NIM1K: variants seen among roughly 807,000 people sequenced by gnomAD.
NIM1K encodes NIM1 serine/threonine protein kinase.
Under a neutral mutation model 37.1 loss-of-function variants are expected in NIM1K, and 35 were observed. That is an observed-to-expected ratio of 0.94 (90% CI 0.72 to 1.25). The LOEUF is 1.25. Among genes scored for constraint, NIM1K ranks in the 50% most tolerant of loss-of-function variants. NIM1K has a pLI of 0.00. For missense variants in NIM1K, 564 were observed against 548.0 expected (o/e 1.03, Z -0.29); for synonymous variants, 234 against 206.6 (o/e 1.13, Z -1.14).
At chr5:43,226,340 T>C (rs1284247737) in intron 1 of NIM1K, among the ~76,000 whole-genome samples, 2 of 152,200 alleles carry the variant, frequency 1.3e-5, no homozygotes, top group Non-Finnish European at 2.9e-5. Flanking sequence ...ACAGAGGCTG[T>C]AACTGTAACA....
chr5:43,195,193 GA>G (rs2112189124), intron 1 of NIM1K, among the ~76,000 whole-genome samples: 1 of 152,264 alleles, frequency 6.6e-6, no homozygotes, highest in Admixed American at 6.5e-5. Context: ...ATTTTCAGGA[GA>G]AGAAGAAAAT....
chr5:43,258,833 T>G lies in NIM1K; in HGVS notation c.292+12766T>G, dbSNP rs193029266. On this transcript the variant is annotated intron_variant, in intron 2 of 3. Coordinates refer to ENST00000326035, the MANE Select transcript of NIM1K (RefSeq NM_153361.4). ...GTGGTTTTTGGTTACAATGATGAAC[T>G]GTATACTGGTGAAATCTTAGATTTT... Among the ~76,000 whole-genome samples the G allele has an allele frequency of 8.6e-4, 131 of 152,274 alleles. 1 individual carries two copies. Among genetic ancestry groups the G allele is most frequent in the African/African-American group, 2.9e-3 (122 of 41,550 alleles).
intron 1 of NIM1K, among the ~76,000 whole-genome samples, chr5:43,193,937 A>G (rs1751871095): frequency 6.6e-6 from 1 of 152,218 alleles, no homozygotes; most frequent in South Asian, 2.1e-4. Context: ...ATGAAAATGT[A>G]CTTACTTTTT....
At chr5:43,218,332 G>A (rs1752332660) in intron 1 of NIM1K, among the ~76,000 whole-genome samples, 1 of 152,058 alleles carries the variant, frequency 6.6e-6, no homozygotes, top group African/African-American at 2.4e-5. Flanking sequence ...TTTTTAATTG[G>A]GTGATATATT....
chr5:43,273,831 T>G (rs1753295751), intron 2 of NIM1K, among the ~76,000 whole-genome samples: 1 of 152,232 alleles, frequency 6.6e-6, no homozygotes, highest in Non-Finnish European at 1.5e-5. Context: ...ATTCTCTGTC[T>G]GTATCTCTTC....
chr5:43,216,063 C>T (rs1448631330), intron 1 of NIM1K, among the ~76,000 whole-genome samples: 1 of 151,448 alleles, frequency 6.6e-6, no homozygotes, highest in Non-Finnish European at 1.5e-5. Flanking sequence ...AAAAAACCAA[C>T]TCATTCTTTT....
chr5:43,243,992 A>G (rs1752741683), intron 1 of NIM1K, among the ~76,000 whole-genome samples: 1 of 152,198 alleles, frequency 6.6e-6, no homozygotes. Context: ...TGTGTTCATC[A>G]TCCTTCTTCC....
intron 1 of NIM1K, among the ~76,000 whole-genome samples, chr5:43,198,142 T>C (rs1171564658): frequency 2.1e-4 from 9 of 43,868 alleles, no homozygotes; most frequent in Non-Finnish European, 4.4e-4. Flanking sequence ...TTTCTTTCTT[T>C]CTTTCTTTCT....
At chr5:43,201,934 G>A (rs1239271988) in intron 1 of NIM1K, among the ~76,000 whole-genome samples, 3 of 150,970 alleles carry the variant, frequency 2.0e-5, no homozygotes, top group Non-Finnish European at 4.4e-5. Context: ...ACTCCAGCCT[G>A]GTGACAGAGC....
intron 1 of NIM1K, among the ~76,000 whole-genome samples, chr5:43,201,496 T>G (rs1752019676): frequency 6.6e-6 from 1 of 152,168 alleles, no homozygotes; most frequent in African/African-American, 2.4e-5. Context: ...TGCCTTTGTT[T>G]GAATGATGAA....
chr5:43,205,776 G>A (rs192246024), intron 1 of NIM1K, among the ~76,000 whole-genome samples: 494 of 152,174 alleles, frequency 3.2e-3, no homozygotes, highest in Non-Finnish European at 5.6e-3. Context: ...GTAGTCTTGC[G>A]ATCTTGGCTC....
chr5:43,265,775 T>C (rs1753137851), intron 2 of NIM1K, among the ~76,000 whole-genome samples: 1 of 152,208 alleles, frequency 6.6e-6, no homozygotes, highest in South Asian at 2.1e-4. Flanking sequence ...CTTTGGTCTT[T>C]GATGATGGTG....
intron 2 of NIM1K, 38 bp downstream of exon 2, chr5:43,246,105 T>C (rs771557501): frequency 1.9e-6 from 3 of 1,562,664 alleles, no homozygotes; most frequent in South Asian, 1.2e-5. Context: ...CCTGGCAGTA[T>C]TGGGACCTAG....
chr5:43,221,481 G>T (rs1752380824), intron 1 of NIM1K, among the ~76,000 whole-genome samples: 1 of 148,690 alleles, frequency 6.7e-6, no homozygotes, highest in Non-Finnish European at 1.5e-5. Flanking sequence ...AAAGGAAAAA[G>T]ATAGAAAAGA....
intron 1 of NIM1K, chr5:43,207,217 A>G (rs866843133): frequency 4.0e-6 from 3 of 752,454 alleles, no homozygotes; most frequent in Non-Finnish European, 7.5e-6. Flanking sequence ...GTGATTTGGC[A>G]TATACCTGGG....
intron 1 of NIM1K, among the ~76,000 whole-genome samples, chr5:43,197,753 T>C (rs1416893502): frequency 2.0e-5 from 3 of 152,192 alleles, no homozygotes; most frequent in African/African-American, 7.2e-5. Context: ...AGGCCTTATC[T>C]CCTTCCAGAT....
At chr5:43,246,354 C>T (rs573877353) in intron 2 of NIM1K, among the ~76,000 whole-genome samples, 1 of 152,002 alleles carries the variant, frequency 6.6e-6, no homozygotes, top group South Asian at 2.1e-4. Flanking sequence ...AACCCTTCCA[C>T]CATACCATGC....
At chr5:43,215,992 G>A (rs1001872293) in intron 1 of NIM1K, among the ~76,000 whole-genome samples, 1 of 151,334 alleles carries the variant, frequency 6.6e-6, no homozygotes, top group Non-Finnish European at 1.5e-5. Flanking sequence ...CATCACTGGG[G>A]ATGCAGGCAC....
At chr5:43,227,527 CTG>C in intron 1 of NIM1K, among the ~76,000 whole-genome samples, 1 of 152,256 alleles carries the variant, frequency 6.6e-6, no homozygotes, top group Admixed American at 6.5e-5. Flanking sequence ...TTCCATATCC[CTG>C]TGTTTCCCAC....
Sources: gnomAD v4.1 joint callset for allele counts (sites outside exome capture counted in the v4.1 genomes callset) on GRCh38, gnomAD v4.1.1 for gene constraint, MANE v1.5 for transcripts, NCBI Gene and HGNC (gene_info 2026-07-23, HGNC 2026-07-21) for gene names.